Variants in ARNT2 observed in about 807,000 individuals in gnomAD.
ARNT2 encodes the protein ARNT protein 2.
ARNT2 carries 36 observed loss-of-function variants against 91.7 expected under a neutral mutation model. That is an observed-to-expected ratio of 0.39 (90% confidence interval 0.30 to 0.52). The LOEUF is 0.52. Among genes scored for constraint, ARNT2 ranks in the 20% least tolerant of loss-of-function variants. ARNT2 has a pLI of 0.72. For missense variants in ARNT2, 775 were observed against 939.3 expected (o/e 0.83, Z 2.29); for synonymous variants, 365 against 347.1 (o/e 1.05, Z -0.57).
At chr15:80,448,266 C>G (rs945900498) in intron 1 of ARNT2, among the ~76,000 whole-genome samples, 2 of 152,220 alleles carry the variant, frequency 1.3e-5, no homozygotes, top group Admixed American at 1.3e-4. Context: ...TAGTGACTTT[C>G]TTTTACCTCA....
At chr15:80,588,593 A>C in intron 17 of ARNT2, among the ~76,000 whole-genome samples, 1 of 149,966 alleles carries the variant, frequency 6.7e-6, no homozygotes, top group African/African-American at 2.5e-5. Flanking sequence ...GCCTGATCTC[A>C]CTCTATTCCT....
chr15:80,584,308 C>T (rs1898852922), intron 17 of ARNT2, among the ~76,000 whole-genome samples: 1 of 152,100 alleles, frequency 6.6e-6, no homozygotes, highest in Non-Finnish European at 1.5e-5. Context: ...CACCAGACCC[C>T]CTTCTGACCA....
chr15:80,539,845 C>T (rs983311699), intron 8 of ARNT2, among the ~76,000 whole-genome samples: 5 of 151,142 alleles, frequency 3.3e-5, no homozygotes, highest in Non-Finnish European at 7.4e-5. Flanking sequence ...TATCTCACCC[C>T]ATCTAGGATG....
Position 80,591,482 on chromosome 15 carries a change from A to T in ARNT2, c.1919-86A>T. The T allele has an allele frequency of 6.4e-7, 1 of 1,557,408 alleles. No homozygotes were observed. The highest frequency in any genetic ancestry group is 8.8e-7 in the Non-Finnish European group (1 of 1,137,860). ...ATGGAACGTGCCTTTCAGAAGCGGG[A>T]GGCCCTCCAGCCGCAGTGGTTCTTA... is the stretch of plus-strand genomic sequence containing the variant. On this transcript the variant is annotated intron_variant, in intron 17 of 18. Transcript: ENST00000303329. This position sits in a 1 kb window ranked among gnomAD's most constrained non-coding sequence, Gnocchi z 5.1.
intron 8 of ARNT2, among the ~76,000 whole-genome samples, chr15:80,528,346 GATTTTAGATATTTGACCATTT>G (rs1179127203): frequency 6.6e-6 from 1 of 151,906 alleles, no homozygotes; most frequent in East Asian, 1.9e-4. Context: ...CCAGAATTTA[GATTTTAGATATTTGACCATTT>G]ATCTATCTAT....
intron 1 of ARNT2, among the ~76,000 whole-genome samples, chr15:80,433,446 C>T (rs955103400): frequency 7.3e-5 from 11 of 151,552 alleles, no homozygotes; most frequent in Admixed American, 2.0e-4. Flanking sequence ...CCACCACGCC[C>T]GGCTAATTTT....
At position 80,591,737 on chromosome 15, in the gene ARNT2, A is replaced by T. The variant is rs1893283611; in HGVS notation, c.2055+33A>T. 8 of 1,610,926 alleles carry T rather than the reference A, an allele frequency of 5.0e-6. No homozygotes were observed. The highest frequency in any genetic ancestry group is 5.9e-6 in the Non-Finnish European group (7 of 1,177,604). ...GAGCGAGCACCGCCTTCTCGTAGGT[A>T]CCGGCGCCTTCTCTCTGCTTCCTTT... is the stretch of plus-strand genomic sequence containing the variant. On this transcript the variant is annotated intron_variant, in intron 18 of 18. Transcript: ENST00000303329. This position sits in a 1 kb window ranked among gnomAD's most constrained non-coding sequence, Gnocchi z 5.1.
At chr15:80,574,264 C>T in intron 13 of ARNT2, 44 bp downstream of exon 13, 2 of 1,576,142 alleles carry the variant, frequency 1.3e-6, no homozygotes, top group East Asian at 4.5e-5. Context: ...TTGTCTCCAG[C>T]CCAATGGACT....
intron 6 of ARNT2, among the ~76,000 whole-genome samples, chr15:80,513,541 T>C (rs185792858): frequency 2.0e-5 from 3 of 152,272 alleles, no homozygotes. Context: ...ACATTATTGC[T>C]GTCATCACCC....
chr15:80,490,387 G>A (rs1174811108), intron 5 of ARNT2, among the ~76,000 whole-genome samples: 1 of 152,212 alleles, frequency 6.6e-6, no homozygotes, highest in Non-Finnish European at 1.5e-5. Flanking sequence ...AGAAGATGCA[G>A]GTGTGAGCCA....
chr15:80,478,514 G>A (rs915001714), intron 5 of ARNT2, among the ~76,000 whole-genome samples: 4 of 152,258 alleles, frequency 2.6e-5, no homozygotes, highest in Admixed American at 1.3e-4. Context: ...TGCCAGAGAA[G>A]GCCCTGTGAA....
At chr15:80,578,235 A>C (rs1898719312) in intron 15 of ARNT2, among the ~76,000 whole-genome samples, 1 of 152,132 alleles carries the variant, frequency 6.6e-6, no homozygotes, top group African/African-American at 2.4e-5. Context: ...GGACAGCCCA[A>C]GGTGGCATGA....
intron 2 of ARNT2, among the ~76,000 whole-genome samples, chr15:80,456,994 G>A (rs766167411): frequency 6.6e-6 from 1 of 152,124 alleles, no homozygotes; most frequent in Admixed American, 6.5e-5. Context: ...TCTCTCCAAG[G>A]AGCTCCACTC....
At chr15:80,518,277 C>CTTTTTTTTTTTTTTTTTTTT (rs56726705) in intron 8 of ARNT2, among the ~76,000 whole-genome samples, 10 of 89,376 alleles carry the variant, frequency 1.1e-4, no homozygotes, top group Admixed American at 1.5e-4. Context: ...TTTTTCTATT[C>CTTTTTTTTTTTTTTTTTTTT]TTTTTTTTTT....
At chr15:80,570,737 C>CA (rs1287476487) in intron 12 of ARNT2, among the ~76,000 whole-genome samples, 1 of 151,296 alleles carries the variant, frequency 6.6e-6, no homozygotes, top group African/African-American at 2.5e-5. Context: ...CATCTTAACT[C>CA]ACCACACTGT....
intron 1 of ARNT2, among the ~76,000 whole-genome samples, chr15:80,438,769 G>A (rs770629568): frequency 2.6e-5 from 4 of 152,072 alleles, no homozygotes; most frequent in South Asian, 4.1e-4. Flanking sequence ...GGCCCACTAC[G>A]ACCTCCATCT....
chr15:80,424,459 A>T (rs1001739943), intron 1 of ARNT2, among the ~76,000 whole-genome samples: 8 of 152,194 alleles, frequency 5.3e-5, no homozygotes, highest in African/African-American at 1.4e-4. Flanking sequence ...AGGCTGGCCC[A>T]CTTTGGCAGG....
chr15:80,527,301 T>A (rs1416186200), intron 8 of ARNT2, among the ~76,000 whole-genome samples: 1 of 152,058 alleles, frequency 6.6e-6, no homozygotes, highest in African/African-American at 2.4e-5. Flanking sequence ...AAGCCACAGG[T>A]CAAGGGTCAT....
chr15:80,437,128 A>G (rs1040923507), intron 1 of ARNT2, among the ~76,000 whole-genome samples: 1 of 151,938 alleles, frequency 6.6e-6, no homozygotes, highest in Non-Finnish European at 1.5e-5. Flanking sequence ...ATACTGTGCC[A>G]TGGAATAACC....
Sources: allele counts gnomAD v4.1 joint callset (sites outside exome capture counted in the v4.1 genomes callset), GRCh38; gene constraint gnomAD v4.1.1; non-coding constraint Gnocchi (gnomAD v3.1); transcripts MANE v1.5; gene names NCBI Gene and HGNC (gene_info 2026-07-23, HGNC 2026-07-21).